DIAPH3: variants seen among roughly 807,000 people sequenced by gnomAD.
DIAPH3 encodes the protein diaphanous related formin 3, also known as protein diaphanous homolog 3.
DIAPH3 carries 117 observed loss-of-function variants against 144.3 expected under a neutral mutation model. That is an observed-to-expected ratio of 0.81 (90% CI 0.70 to 0.95). DIAPH3 has a LOEUF of 0.95. Among genes scored for constraint, DIAPH3 ranks in the 40% least tolerant of loss-of-function variants. The pLI is 0.00. For missense variants in DIAPH3, 1,421 were observed against 1,412.7 expected, an observed-to-expected ratio of 1.01 and a Z score of -0.09; for synonymous variants, 519 against 488.9, an observed-to-expected ratio of 1.06 and a Z score of -0.81.
intron 20 of DIAPH3, among the ~76,000 whole-genome samples, chr13:59,901,755 GT>G (rs746729818): frequency 3.7e-4 from 56 of 152,252 alleles, no homozygotes; most frequent in Non-Finnish European, 6.6e-4. Flanking sequence ...TCAGACAATG[GT>G]ACAGTCTACC....
intron 21 of DIAPH3, among the ~76,000 whole-genome samples, chr13:59,877,320 C>T (rs1176853758): frequency 1.3e-5 from 2 of 152,108 alleles, no homozygotes; most frequent in African/African-American, 4.8e-5. Context: ...CCCATACCAT[C>T]TTTCCTATTA....
intron 24 of DIAPH3, among the ~76,000 whole-genome samples, chr13:59,830,644 C>T (rs1023144878): frequency 6.6e-6 from 1 of 151,742 alleles, no homozygotes; most frequent in Non-Finnish European, 1.5e-5. Flanking sequence ...AAGTTACCCA[C>T]AGAATGCCAA....
intron 9 of DIAPH3, among the ~76,000 whole-genome samples, chr13:60,007,367 C>T (rs1433873253): frequency 6.8e-6 from 1 of 146,804 alleles, no homozygotes; most frequent in East Asian, 1.9e-4. Context: ...TTTTAAAATA[C>T]CATTTGTTTA....
intron 25 of DIAPH3, among the ~76,000 whole-genome samples, chr13:59,794,089 G>A (rs2039462076): frequency 6.6e-6 from 1 of 152,176 alleles, no homozygotes; most frequent in Admixed American, 6.5e-5. Flanking sequence ...AATAGGTTCT[G>A]TGTTATATGA....
intron 4 of DIAPH3, among the ~76,000 whole-genome samples, chr13:60,082,473 A>T (rs1454298464): frequency 6.6e-6 from 1 of 151,984 alleles, no homozygotes. Flanking sequence ...CCAGAGAAAG[A>T]AAGACATTAA....
At chr13:59,939,854 G>A (rs1354843180) in intron 17 of DIAPH3, among the ~76,000 whole-genome samples, 1 of 151,714 alleles carries the variant, frequency 6.6e-6, no homozygotes, top group East Asian at 1.9e-4. Context: ...GTGTGTGTGT[G>A]TGTGTGTGTG....
intron 4 of DIAPH3, among the ~76,000 whole-genome samples, chr13:60,091,807 T>C (rs2057943093): frequency 6.6e-6 from 1 of 152,160 alleles, no homozygotes; most frequent in Non-Finnish European, 1.5e-5. Flanking sequence ...ATATGTTGTG[T>C]TCTAATCATG....
intron 4 of DIAPH3, among the ~76,000 whole-genome samples, chr13:60,078,487 T>C (rs966780371): frequency 1.3e-5 from 2 of 152,050 alleles, no homozygotes; most frequent in Non-Finnish European, 2.9e-5. Flanking sequence ...AGAACATCCC[T>C]GAGGGAATAT....
At chr13:60,083,995 T>C (rs1276476292) in intron 4 of DIAPH3, among the ~76,000 whole-genome samples, 2 of 114,602 alleles carry the variant, frequency 1.7e-5, no homozygotes, top group African/African-American at 3.4e-5. Context: ...TTTTGAGTGA[T>C]AGATAGATAG....
intron 17 of DIAPH3, among the ~76,000 whole-genome samples, chr13:59,968,340 T>C (rs73547729): frequency 1.4e-3 from 218 of 152,304 alleles, no homozygotes; most frequent in African/African-American, 5.1e-3. Context: ...TTGTACCTAC[T>C]AGGAAAGCAA....
intron 21 of DIAPH3, among the ~76,000 whole-genome samples, chr13:59,875,759 T>C (rs1593786749): frequency 6.6e-6 from 1 of 152,322 alleles, no homozygotes; most frequent in Non-Finnish European, 1.5e-5. Context: ...CAGTTATGTT[T>C]ACCTTATATG....
intron 14 of DIAPH3, among the ~76,000 whole-genome samples, chr13:59,977,439 A>G (rs2050741715): frequency 6.6e-6 from 1 of 151,884 alleles, no homozygotes; most frequent in South Asian, 2.1e-4. Context: ...ATTTTGCAAT[A>G]AGCCAAAGAG....
Position 60,163,567 on chromosome 13 carries a change from T to C in DIAPH3, c.180+20A>G, listed in dbSNP as rs761907371. 63 of 1,565,518 alleles carry C rather than the reference T, an allele frequency of 4.0e-5. 1 individual carries two copies. The South Asian group carries it at 7.2e-4, about 18-fold the overall frequency. ...CGGCGGGGCGGGAGCGGCCCCACCCTAGCTCCAGGCGATACTCACAAACTT... is the reference window on the plus strand; with the variant it reads ...CGGCGGGGCGGGAGCGGCCCCACCCCAGCTCCAGGCGATACTCACAAACTT... On this transcript the variant is annotated intron_variant, in intron 1 of 27. Transcript: ENST00000400324.
intron 13 of DIAPH3, among the ~76,000 whole-genome samples, 161 bp from the exon 14 acceptor site, chr13:59,981,020 C>T (rs2050972130): frequency 6.6e-6 from 1 of 151,240 alleles, no homozygotes; most frequent in Non-Finnish European, 1.5e-5. Flanking sequence ...ATGAAAAAGG[C>T]TTTTCTAAGC....
At chr13:59,932,305 T>C (rs2048058328) in intron 17 of DIAPH3, among the ~76,000 whole-genome samples, 1 of 152,190 alleles carries the variant, frequency 6.6e-6, no homozygotes, top group South Asian at 2.1e-4. Flanking sequence ...TCACATTTAC[T>C]GAACCCCTAT....
intron 17 of DIAPH3, among the ~76,000 whole-genome samples, chr13:59,961,880 T>C (rs560700570): frequency 1.8e-4 from 28 of 152,152 alleles, no homozygotes; most frequent in African/African-American, 6.3e-4. Context: ...AAAAAATACA[T>C]CAATAATATG....
At chr13:60,116,227 C>T (rs2058699711) in intron 2 of DIAPH3, among the ~76,000 whole-genome samples, 1 of 151,960 alleles carries the variant, frequency 6.6e-6, no homozygotes, top group South Asian at 2.1e-4. Flanking sequence ...GAGACAAGCA[C>T]ATAGGTAATT....
intron 27 of DIAPH3, among the ~76,000 whole-genome samples, chr13:59,761,808 G>A (rs905184974): frequency 1.3e-5 from 2 of 152,074 alleles, no homozygotes; most frequent in Non-Finnish European, 2.9e-5. Context: ...GAGAAATAAT[G>A]CAAAATAAAA....
chr13:59,707,022 C>T (rs976083412), intron 27 of DIAPH3, among the ~76,000 whole-genome samples: 1 of 152,096 alleles, frequency 6.6e-6, no homozygotes. Flanking sequence ...ATATTATTAG[C>T]AGTTATTGTG....
Sources: gnomAD v4.1 joint callset for allele counts (sites outside exome capture counted in the v4.1 genomes callset) on GRCh38, gnomAD v4.1.1 for gene constraint, MANE v1.5 for transcripts, NCBI Gene and HGNC (gene_info 2026-07-23, HGNC 2026-07-21) for gene names.